KIF2C: variants seen among roughly 807,000 people sequenced by gnomAD.
KIF2C encodes the protein kinesin-like protein KIF2C.
A neutral mutation model predicts 97.4 loss-of-function variants in KIF2C; 34 were observed. That is an observed-to-expected ratio of 0.35 (90% CI 0.27 to 0.46). KIF2C has a LOEUF of 0.46. KIF2C is among the 20% of genes least tolerant of loss of function. KIF2C has a pLI of 1.00. For missense variants in KIF2C, 750 were observed against 907.6 expected (o/e 0.83, Z 2.23); for synonymous variants, 313 against 318.2 (o/e 0.98, Z 0.17).
intron 13 of KIF2C, 130 bp downstream of exon 13, chr1:44,758,270 C>A: frequency 2.7e-6 from 2 of 740,628 alleles, no homozygotes; most frequent in African/African-American, 1.8e-5. Context: ...GGCCATTCTG[C>A]CCTGGCATAC....
chr1:44,760,317 C>T lies in KIF2C; in HGVS notation c.1405C>T (p.Arg469Cys). The T allele has an allele frequency of 6.2e-6, 10 of 1,614,176 alleles. No individual in the cohort carries two copies. The highest frequency in any genetic ancestry group is 1.6e-4 in the Middle Eastern group (1 of 6,062). Reference protein sequence around the residue: ...GQTFANSNSSRSHACFQIILR... With the variant: ...GQTFANSNSSCSHACFQIILR... ...GACATTTGCCAACTCCAATTCCTCC[C>T]GCTCCCACGCGTGCTTCCAAATTAT... Residue 469 changes from arginine to cysteine, a missense_variant, in exon 15 of 21, where the codon CGC (arginine) becomes TGC (cysteine). Coordinates refer to ENST00000372224, the MANE Select transcript of KIF2C (RefSeq NM_006845.4). This position sits in a 1 kb window ranked among gnomAD's most constrained non-coding sequence, Gnocchi z 4.2.
At chr1:44,763,168 A>C (rs2148834653) in intron 19 of KIF2C, among the ~76,000 whole-genome samples, 2 of 147,008 alleles carry the variant, frequency 1.4e-5, no homozygotes, top group Middle Eastern at 6.9e-3. Flanking sequence ...TTGAGCGTTC[A>C]GTAATATGCT....
chr1:44,757,683 C>T (rs200357354), intron 11 of KIF2C, 37 bp downstream of exon 11: 15 of 1,430,326 alleles, frequency 1.0e-5, no homozygotes, highest in African/African-American at 1.4e-5. Flanking sequence ...GAGCCTTTCC[C>T]TTGTGCACCC....
rs150610156 is a variant in KIF2C, at chr1:44,749,654, A to ATT, written c.317-787_317-786dup. On this transcript the variant is annotated intron_variant, in intron 4 of 20. Transcript: ENST00000372224. Reference sequence around the variant, plus strand: ...ACGATTGTAAAAATTCAAAACATGGATTATATATAGCCATCAGCCTGAACT... The same window carrying ATT: ...ACGATTGTAAAAATTCAAAACATGGATTTTATATATAGCCATCAGCCTGAACT... 5.9e-3 allele frequency among the ~76,000 whole-genome samples: 890 copies of ATT among 151,892 alleles called. 9 individuals are homozygous for ATT. Among genetic ancestry groups the ATT allele is most frequent in the African/African-American group, 0.021 (852 of 41,426 alleles).
Position 44,760,951 on chromosome 1 carries a change from T to C in KIF2C, c.1683+249T>C. ...CAGCTCTTGGTTTGGGAGAGGTCATTCCTGCATTACCTGATGAAAAGGGGG... is the reference window on the plus strand; with the variant it reads ...CAGCTCTTGGTTTGGGAGAGGTCATCCCTGCATTACCTGATGAAAAGGGGG... On this transcript the variant is annotated intron_variant, in intron 16 of 20. Coordinates refer to ENST00000372224, the MANE Select transcript of KIF2C (RefSeq NM_006845.4). The surrounding 1 kb of genome is among the most constrained non-coding windows in gnomAD (Gnocchi z 4.2). The C allele has an allele frequency of 2.1e-6, 1 of 466,052 alleles. No individual in the cohort carries two copies. Among genetic ancestry groups the C allele is most frequent in the Non-Finnish European group, 3.9e-6 (1 of 255,236 alleles). The allele number at this position is 466,052 out of a possible 1,614,324, so 28.9% of individuals were successfully genotyped here. A position where few individuals can be genotyped will look rare whatever the true frequency, so the allele number is the denominator to read the frequency against.
chr1:44,751,878 G>A (rs1316408867), intron 5 of KIF2C, among the ~76,000 whole-genome samples: 1 of 125,802 alleles, frequency 7.9e-6, no homozygotes, highest in East Asian at 2.3e-4. Flanking sequence ...CTGGAGTGCT[G>A]TGGTGTGATC....
chr1:44,766,650 A>G (rs578153055), intron 19 of KIF2C, among the ~76,000 whole-genome samples, 176 bp from the exon 20 acceptor site: 1 of 152,264 alleles, frequency 6.6e-6, no homozygotes, highest in African/African-American at 2.4e-5. Flanking sequence ...AGCTTGGGGT[A>G]GGAAGAGGGT....
chr1:44,755,982 A>G lies in KIF2C; in HGVS notation c.813A>G (p.Gln271=). ...VCVRKRPLNK[Q]ELAKKEIDVI... ...TTAGGAAACGCCCACTGAATAAGCA[A>G]GGTAAGTCCTGTTCAGTCAGGAAGA... Residue 271 remains glutamine, a splice_region_variant and synonymous_variant, in exon 9 of 21, where the codon CAA becomes CAG. Coordinates refer to ENST00000372224, the MANE Select transcript of KIF2C (RefSeq NM_006845.4). 1 of 1,614,186 alleles carries G rather than the reference A, an allele frequency of 6.2e-7. No individual in the cohort carries two copies. Among genetic ancestry groups the G allele is most frequent in the Non-Finnish European group, 8.5e-7 (1 of 1,180,012 alleles).
chr1:44,767,135 G>T lies in KIF2C; in HGVS notation c.2134G>T (p.Glu712Ter). 2 of 1,614,182 alleles carry T rather than the reference G, an allele frequency of 1.2e-6. No homozygotes were observed. The highest frequency in any genetic ancestry group is 2.2e-5 in the South Asian group (2 of 91,044). The change falls in exon 21 of 21, where the codon GAG (glutamate) becomes TAG (stop). Residue 712 changes from glutamate (E) to a stop codon, truncating the protein, a stop_gained. Coordinates refer to ENST00000372224, the MANE Select transcript of KIF2C (RefSeq NM_006845.4). LOFTEE classifies it high-confidence loss of function. The stretch of plus-strand genomic sequence containing the variant: ...CTTGCGCCTGGCCATGCAGCTGGAA[G>T]AGCAGGCTAGCAGACAAATAAGCAG... ...KALRLAMQLE[E>*]QASRQISSKK... is the part of the protein sequence containing the mutation.
chr1:44,764,745 G>A (rs1376492088), intron 19 of KIF2C, among the ~76,000 whole-genome samples: 1 of 151,820 alleles, frequency 6.6e-6, no homozygotes, highest in Non-Finnish European at 1.5e-5. Context: ...CCTACCTCAG[G>A]TGATCCTCCC....
At chr1:44,764,306 C>T (rs897468204) in intron 19 of KIF2C, among the ~76,000 whole-genome samples, 2 of 144,286 alleles carry the variant, frequency 1.4e-5, no homozygotes, top group Non-Finnish European at 3.1e-5. Context: ...CTCCTGCGTA[C>T]CTGGGATTAC....
intron 19 of KIF2C, among the ~76,000 whole-genome samples, chr1:44,764,102 A>G (rs1452881020): frequency 6.6e-6 from 1 of 152,142 alleles, no homozygotes; most frequent in Non-Finnish European, 1.5e-5. Context: ...GAATGAGGAC[A>G]TGAGATTCAT....
rs756646557 is a variant in KIF2C, at chr1:44,767,163, A to T, written c.2162A>T (p.Lys721Met). ...CAGGCTAGCAGACAAATAAGCAGCA[A>T]GAAACGGCCCCAGTGACGACTGCAA... is the stretch of plus-strand genomic sequence containing the variant. ...EEQASRQISS[K>M]KRPQ The change falls in exon 21 of 21, where the codon AAG becomes ATG. Residue 721 changes from lysine (K) to methionine (M), a missense_variant. Transcript: ENST00000372224. The T allele has an allele frequency of 1.2e-6, 2 of 1,614,036 alleles. No homozygotes were observed. Among genetic ancestry groups the T allele is most frequent in the Admixed American group, 1.7e-5 (1 of 60,004 alleles).
chr1:44,751,727 C>G (rs543107609), intron 5 of KIF2C, among the ~76,000 whole-genome samples: 2 of 149,440 alleles, frequency 1.3e-5, no homozygotes, highest in Non-Finnish European at 3.0e-5. Context: ...AGGCTGGTCT[C>G]GAACTCCTGA....
chr1:44,745,358 CTTT>C (rs896545598), intron 2 of KIF2C, among the ~76,000 whole-genome samples: 1 of 134,988 alleles, frequency 7.4e-6, no homozygotes, highest in Non-Finnish European at 1.6e-5. Flanking sequence ...TTCTATCCTC[CTTT>C]TTTTTTTTTT....
At chr1:44,755,795 G>A (rs949755646) in intron 8 of KIF2C, 134 bp from the exon 9 acceptor site, 27 of 719,422 alleles carry the variant, frequency 3.8e-5, no homozygotes, top group South Asian at 3.7e-4. Context: ...GGAGGATGCA[G>A]GGGTCCTAGT....
intron 2 of KIF2C, among the ~76,000 whole-genome samples, chr1:44,744,804 G>A (rs558165513): frequency 1.3e-5 from 2 of 152,224 alleles, no homozygotes; most frequent in South Asian, 4.1e-4. Flanking sequence ...GGAGGCTGAG[G>A]CGGAAGAATC....
At chr1:44,748,707 A>AT (rs928683142) in intron 4 of KIF2C, among the ~76,000 whole-genome samples, 27,953 of 123,084 alleles carry the variant, frequency 0.23, 4,440 homozygotes, top group African/African-American at 0.4. Context: ...CACCTGGCTA[A>AT]TTTTTTTTTT....
chr1:44,742,731 AAAAAAAC>A (rs1257327467), intron 2 of KIF2C, among the ~76,000 whole-genome samples: 2 of 152,008 alleles, frequency 1.3e-5, no homozygotes, highest in Non-Finnish European at 1.5e-5. Context: ...AAAAAAAAAA[AAAAAAAC>A]AAACTGCACA....
Sources: allele counts gnomAD v4.1 joint callset (sites outside exome capture counted in the v4.1 genomes callset), GRCh38; gene constraint gnomAD v4.1.1; non-coding constraint Gnocchi (gnomAD v3.1); transcripts MANE v1.5; gene names NCBI Gene and HGNC (gene_info 2026-07-23, HGNC 2026-07-21).